Variants in COG5 observed in about 807,000 individuals in gnomAD.
COG5 encodes the protein component of oligomeric golgi complex 5.
In COG5, 86 loss-of-function variants were observed where a neutral mutation model predicts 110.4. The ratio of observed to expected loss-of-function variants is 0.78; its 90% confidence interval spans 0.65 to 0.93. The LOEUF is 0.93. Ranked by LOEUF, COG5 falls within the 40% of genes least tolerant of loss-of-function variation. The pLI, the probability that COG5 is intolerant of heterozygous loss-of-function variation, is 0.00. For synonymous variants in COG5, 360 were observed against 334.6 expected, an observed-to-expected ratio of 1.08 and a Z score of -0.83; for missense variants, 1,077 against 987.0, an observed-to-expected ratio of 1.09 and a Z score of -1.22.
At chr7:107,473,997 G>T (rs980170234) in intron 6 of COG5, 5 of 801,306 alleles carry the variant, frequency 6.2e-6, no homozygotes, top group South Asian at 3.8e-5. Context: ...CATTTAAATT[G>T]CCAAATATCA....
intron 6 of COG5, among the ~76,000 whole-genome samples, chr7:107,504,534 C>G (rs1366673884): frequency 6.6e-6 from 1 of 152,182 alleles, no homozygotes; most frequent in Non-Finnish European, 1.5e-5. Flanking sequence ...AGAGAATTCC[C>G]TCTTTCTCAA....
chr7:107,222,454 T>C (rs1800008442), intron 19 of COG5, among the ~76,000 whole-genome samples: 1 of 152,190 alleles, frequency 6.6e-6, no homozygotes, highest in Non-Finnish European at 1.5e-5. Context: ...TCCGCCCACC[T>C]CGGCCTTCCA....
intron 7 of COG5, among the ~76,000 whole-genome samples, chr7:107,374,908 A>G (rs1455713780): frequency 6.6e-6 from 1 of 152,042 alleles, no homozygotes; most frequent in Admixed American, 6.5e-5. Context: ...ACATACATAC[A>G]GAGGAGTATG....
intron 21 of COG5, chr7:107,210,217 G>C (rs765691211): frequency 6.8e-5 from 84 of 1,227,716 alleles, no homozygotes; most frequent in Non-Finnish European, 8.4e-5. Context: ...TGCGGAGCTA[G>C]GGCAAAACTT....
At chr7:107,370,699 T>C (rs574527503) in intron 8 of COG5, among the ~76,000 whole-genome samples, 14 of 151,282 alleles carry the variant, frequency 9.3e-5, no homozygotes, top group African/African-American at 3.2e-4. Context: ...GACAGGCGAA[T>C]TGCTTAAACC....
intron 6 of COG5, among the ~76,000 whole-genome samples, chr7:107,504,715 G>C (rs1798856855): frequency 6.6e-6 from 1 of 151,998 alleles, no homozygotes; most frequent in Admixed American, 6.6e-5. Flanking sequence ...ATTTCTTCCG[G>C]ATTTAATCTA....
At chr7:107,342,729 G>A (rs942467962) in intron 10 of COG5, among the ~76,000 whole-genome samples, 6 of 151,988 alleles carry the variant, frequency 3.9e-5, no homozygotes, top group African/African-American at 9.7e-5. Flanking sequence ...AGATGCTGAC[G>A]AGGCTGCAGA....
chr7:107,491,907 A>C (rs368811614), intron 6 of COG5, among the ~76,000 whole-genome samples: 2 of 152,164 alleles, frequency 1.3e-5, no homozygotes, highest in African/African-American at 4.8e-5. Context: ...ATAATATCCC[A>C]TAAGTATCCC....
At chr7:107,462,607 T>C (rs1309060951) in intron 6 of COG5, among the ~76,000 whole-genome samples, 5 of 76,304 alleles carry the variant, frequency 6.6e-5, no homozygotes, top group African/African-American at 2.1e-4. Context: ...AGAAGAAAAA[T>C]GCCTAAAAAA....
At chr7:107,532,912 A>G (rs1402190471) in intron 5 of COG5, among the ~76,000 whole-genome samples, 1 of 152,186 alleles carries the variant, frequency 6.6e-6, no homozygotes, top group African/African-American at 2.4e-5. Context: ...TAGTCATTAC[A>G]CACTATTCTT....
At chr7:107,551,314 T>C (rs767144828) in intron 3 of COG5, among the ~76,000 whole-genome samples, 1 of 152,140 alleles carries the variant, frequency 6.6e-6, no homozygotes, top group Admixed American at 6.5e-5. Flanking sequence ...CAAAATTCCA[T>C]GAAAACAAAA....
intron 19 of COG5, among the ~76,000 whole-genome samples, chr7:107,223,940 T>G (rs1238677068): frequency 6.6e-6 from 1 of 152,144 alleles, no homozygotes; most frequent in African/African-American, 2.4e-5. Context: ...CAAATAATAG[T>G]TGTCAGAAAT....
intron 6 of COG5, among the ~76,000 whole-genome samples, chr7:107,457,362 GAA>G (rs763355070): frequency 1.4e-4 from 9 of 64,664 alleles, no homozygotes; most frequent in Non-Finnish European, 1.6e-4. Flanking sequence ...GCTATGAGGA[GAA>G]AAAAAAAAAA....
At chr7:107,422,092 A>G (rs1168080916) in intron 6 of COG5, among the ~76,000 whole-genome samples, 3 of 152,206 alleles carry the variant, frequency 2.0e-5, no homozygotes, top group African/African-American at 7.2e-5. Context: ...TAGAACTAAT[A>G]AAGAAGATGA....
At chr7:107,398,190 T>C (rs1791149442) in intron 7 of COG5, among the ~76,000 whole-genome samples, 1 of 152,198 alleles carries the variant, frequency 6.6e-6, no homozygotes, top group Non-Finnish European at 1.5e-5. Flanking sequence ...GACAGCATTA[T>C]TCATAATAAA....
At chr7:107,511,187 A>G (rs889044487) in intron 6 of COG5, among the ~76,000 whole-genome samples, 15 of 152,060 alleles carry the variant, frequency 9.9e-5, no homozygotes, top group Non-Finnish European at 1.5e-4. Flanking sequence ...AATCAAATAG[A>G]TGCAATAAAA....
intron 13 of COG5, among the ~76,000 whole-genome samples, chr7:107,282,580 G>A (rs1340931111): frequency 2.0e-5 from 3 of 152,156 alleles, no homozygotes; most frequent in African/African-American, 7.2e-5. Flanking sequence ...GGAGTGCAGT[G>A]GCGTGATGTC....
At chr7:107,251,855 T>C (rs975797809) in intron 16 of COG5, among the ~76,000 whole-genome samples, 1 of 150,848 alleles carries the variant, frequency 6.6e-6, no homozygotes, top group Non-Finnish European at 1.5e-5. Flanking sequence ...TAGCAAAAAG[T>C]AGAAAATAAA....
chr7:107,305,794 C>T (rs572278097), intron 11 of COG5, among the ~76,000 whole-genome samples: 2 of 151,996 alleles, frequency 1.3e-5, no homozygotes, highest in Admixed American at 6.6e-5. Context: ...GGTATGACAG[C>T]TGCTTGTATC....
Sources: gnomAD v4.1 joint callset for allele counts (sites outside exome capture counted in the v4.1 genomes callset) on GRCh38, gnomAD v4.1.1 for gene constraint, MANE v1.5 for transcripts, NCBI Gene and HGNC (gene_info 2026-07-23, HGNC 2026-07-21) for gene names.